The following DRG1 variants were observed in gnomAD, a reference collection of about 807,000 sequenced individuals.
DRG1 encodes the protein developmentally regulated GTP binding protein 1.
In DRG1, 19 loss-of-function variants were observed where a neutral mutation model predicts 38.8. That is an observed-to-expected ratio of 0.49 (90% confidence interval 0.34 to 0.72). The LOEUF is 0.72. Ranked by LOEUF, DRG1 falls within the 30% of genes least tolerant of loss-of-function variation. DRG1 has a pLI of 0.01. For synonymous variants in DRG1, 167 were observed against 157.5 expected, an observed-to-expected ratio of 1.06 and a Z score of -0.45; for missense variants, 299 against 444.8, an observed-to-expected ratio of 0.67 and a Z score of 2.95.
chr22:31,423,357 T>G lies in DRG1; in HGVS notation c.660T>G (p.Thr220=). The G allele has an allele frequency of 6.2e-7, 1 of 1,614,078 alleles. No homozygotes were observed. The highest frequency in any genetic ancestry group is 8.5e-7 in the Non-Finnish European group (1 of 1,180,006). The part of the protein sequence containing the change: ...AEYKIHNADV[T]LRSDATADDL... The stretch of plus-strand genomic sequence containing the variant: ...ACAAGATTCATAATGCCGATGTGAC[T>G]CTACGTAGTGATGCTACAGCTGATG... The change falls in exon 6 of 9, where the codon ACT becomes ACG. Residue 220 remains threonine, a synonymous_variant. Transcript: ENST00000331457.
At chr22:31,433,736 G>A in intron 8 of DRG1, 136 bp from the exon 9 acceptor site, 4 of 651,580 alleles carry the variant, frequency 6.1e-6, no homozygotes, top group Non-Finnish European at 1.0e-5. Flanking sequence ...CATGCTGCTA[G>A]GGAAGATAAA....
chr22:31,421,787 CCTAA>C (rs572736954), intron 5 of DRG1, among the ~76,000 whole-genome samples: 4 of 151,954 alleles, frequency 2.6e-5, no homozygotes, highest in South Asian at 4.2e-4. Flanking sequence ...ATGTCATGGG[CCTAA>C]CTGAGATCAC....
chr22:31,409,856 T>C (rs1221739260), intron 3 of DRG1, among the ~76,000 whole-genome samples: 1 of 151,856 alleles, frequency 6.6e-6, no homozygotes, highest in Non-Finnish European at 1.5e-5. Context: ...TAGTCAGATA[T>C]GGTGGCATAT....
intron 2 of DRG1, among the ~76,000 whole-genome samples, chr22:31,401,437 G>A (rs2049960268): frequency 6.6e-6 from 1 of 151,994 alleles, no homozygotes; most frequent in South Asian, 2.1e-4. Flanking sequence ...AAATTAGCTG[G>A]GCATGGTGGC....
At chr22:31,402,935 A>T in intron 2 of DRG1, 94 bp from the exon 3 acceptor site, 1 of 1,379,942 alleles carries the variant, frequency 7.2e-7, no homozygotes, top group Non-Finnish European at 9.9e-7. Flanking sequence ...AATAGTGCCT[A>T]GAGGGATAGG....
intron 6 of DRG1, among the ~76,000 whole-genome samples, chr22:31,426,257 C>T (rs372596251): frequency 6.6e-6 from 1 of 152,074 alleles, no homozygotes; most frequent in African/African-American, 2.4e-5. Flanking sequence ...GTACAGCTGA[C>T]CCTCCGTGTC....
chr22:31,429,894 C>G lies in DRG1; in HGVS notation c.1004+2712C>G, dbSNP rs540769181. Among the ~76,000 whole-genome samples the G allele has an allele frequency of 3.9e-5, 6 of 152,238 alleles. No individual in the cohort carries two copies. The South Asian group carries it at 1.2e-3, about 32-fold the overall frequency. On this transcript the variant is annotated intron_variant, in intron 8 of 8. Coordinates refer to ENST00000331457, the MANE Select transcript of DRG1 (RefSeq NM_004147.4). ...CCAATGCCTGGGCTCTAGTGATCCG[C>G]CTACCTTCACCTCCCAAAGTGCTGG...
chr22:31,400,008 T>A (rs2049952040), intron 1 of DRG1, among the ~76,000 whole-genome samples: 1 of 151,794 alleles, frequency 6.6e-6, no homozygotes, highest in Admixed American at 6.6e-5. Flanking sequence ...CCGTTCCCCC[T>A]CCCAGTGTTT....
intron 6 of DRG1, among the ~76,000 whole-genome samples, chr22:31,424,841 C>T (rs1242956003): frequency 1.9e-5 from 2 of 104,276 alleles, no homozygotes; most frequent in Admixed American, 1.5e-4. Context: ...CTTGCTTTGT[C>T]CCCCAGGCTG....
At position 31,399,771 on chromosome 22, in the gene DRG1, C is replaced by A. The variant is rs374352220; in HGVS notation, c.42+46C>A. ...TTCACTCTTAGTCTGAGCATTCCTTCTTTGGTGGCGTCGCTCCTTCCTGTT... is the reference window on the plus strand; with the variant it reads ...TTCACTCTTAGTCTGAGCATTCCTTATTTGGTGGCGTCGCTCCTTCCTGTT... On this transcript the variant is annotated intron_variant, in intron 1 of 8. Coordinates refer to ENST00000331457, the MANE Select transcript of DRG1 (RefSeq NM_004147.4). 14 of 1,613,494 alleles carry A rather than the reference C, an allele frequency of 8.7e-6. No individual in the cohort carries two copies. The African/African-American group carries it at 1.9e-4, about 22-fold the overall frequency.
chr22:31,415,746 T>A (rs868678182), intron 4 of DRG1, among the ~76,000 whole-genome samples: 1 of 152,286 alleles, frequency 6.6e-6, no homozygotes. Context: ...GTCTCCTGTT[T>A]TTTCTATACT....
intron 2 of DRG1, among the ~76,000 whole-genome samples, 168 bp downstream of exon 2, chr22:31,400,911 A>C (rs5749265): frequency 0.23 from 34,054 of 148,760 alleles, 4,928 homozygotes; most frequent in East Asian, 0.46. Flanking sequence ...CCAGGAGTTC[A>C]AGACCAGCCT....
chr22:31,411,200 C>T (rs779039780), intron 4 of DRG1, 119 bp downstream of exon 4: 1 of 1,056,282 alleles, frequency 9.5e-7, no homozygotes, highest in Non-Finnish European at 1.4e-6. Flanking sequence ...TTTCACCTGA[C>T]TTCTCATTTA....
intron 5 of DRG1, among the ~76,000 whole-genome samples, chr22:31,422,120 A>G (rs1286861603): frequency 6.7e-6 from 1 of 150,146 alleles, no homozygotes; most frequent in Non-Finnish European, 1.5e-5. Flanking sequence ...AAAAAAAAAA[A>G]GAAAGAAAGA....
chr22:31,403,870 G>A (rs2049975909), intron 3 of DRG1, among the ~76,000 whole-genome samples: 3 of 151,428 alleles, frequency 2.0e-5, no homozygotes, highest in Admixed American at 6.6e-5. Flanking sequence ...GTGTCCAAAT[G>A]TATATAACAA....
At chr22:31,400,042 T>C (rs1443712814) in intron 1 of DRG1, among the ~76,000 whole-genome samples, 3 of 152,106 alleles carry the variant, frequency 2.0e-5, no homozygotes, top group Non-Finnish European at 4.4e-5. Context: ...ATGTTGTTTC[T>C]TTCCGTTTTG....
intron 4 of DRG1, among the ~76,000 whole-genome samples, chr22:31,414,568 CT>C (rs976004137): frequency 1.6e-4 from 24 of 152,072 alleles, no homozygotes; most frequent in Admixed American, 1.4e-3. Flanking sequence ...TAGGTCAAAT[CT>C]TTTTTTCCCT....
At chr22:31,417,871 TC>T (rs1385562206) in intron 4 of DRG1, among the ~76,000 whole-genome samples, 1 of 150,598 alleles carries the variant, frequency 6.6e-6, no homozygotes, top group Non-Finnish European at 1.5e-5. Flanking sequence ...ATGCCTGTAA[TC>T]CCAGCTACTT....
intron 8 of DRG1, among the ~76,000 whole-genome samples, chr22:31,431,814 A>G (rs2050140818): frequency 6.6e-6 from 1 of 152,196 alleles, no homozygotes; most frequent in African/African-American, 2.4e-5. Context: ...TCAAAACATT[A>G]TGCTTTGGCA....
Sources: gnomAD v4.1 joint callset for allele counts (sites outside exome capture counted in the v4.1 genomes callset) on GRCh38, gnomAD v4.1.1 for gene constraint, MANE v1.5 for transcripts, NCBI Gene and HGNC (gene_info 2026-07-23, HGNC 2026-07-21) for gene names.